The following LHCGR variants were observed in gnomAD, a reference collection of about 807,000 sequenced individuals.
The protein encoded by LHCGR is luteinizing hormone/choriogonadotropin receptor.
Under a neutral mutation model 60.7 loss-of-function variants are expected in LHCGR, and 55 were observed. The observed-to-expected ratio is 0.91, with a 90% CI of 0.73 to 1.13. LHCGR has a LOEUF of 1.13. LHCGR is among the 50% of genes most tolerant of loss of function. LHCGR has a pLI of 0.00. For synonymous variants in LHCGR, 337 were observed against 316.5 expected (o/e 1.06, Z -0.69); for missense variants, 862 against 836.0 (o/e 1.03, Z -0.38).
chr2:48,713,981 C>A lies in LHCGR; in HGVS notation c.605+5G>T, dbSNP rs530791181. On this transcript the variant is annotated splice_donor_5th_base_variant and intron_variant, in intron 7 of 10. Transcript: ENST00000294954. Reference sequence around the variant, plus strand: ...CCTGAGCTGGGGAAATAAGCAAATACTTACAGTGAAGTCAGTGTCGTCCCA... The same window carrying A: ...CCTGAGCTGGGGAAATAAGCAAATAATTACAGTGAAGTCAGTGTCGTCCCA... The A allele has an allele frequency of 1.3e-6, 2 of 1,591,824 alleles. No homozygotes were observed. The highest frequency in any genetic ancestry group is 1.7e-6 in the Non-Finnish European group (2 of 1,159,726).
chr2:48,699,800 C>T (rs144694703), intron 8 of LHCGR, among the ~76,000 whole-genome samples: 5 of 152,368 alleles, frequency 3.3e-5, no homozygotes, highest in African/African-American at 1.2e-4. Flanking sequence ...AGGTCCTGAA[C>T]TCTTTGGTTT....
chr2:48,707,405 A>T (rs1667741988), intron 8 of LHCGR, among the ~76,000 whole-genome samples: 1 of 150,928 alleles, frequency 6.6e-6, no homozygotes, highest in Non-Finnish European at 1.5e-5. Context: ...TCTGTCTGTT[A>T]TCAGAGCTTG....
At chr2:48,734,523 A>T (rs11674172) in intron 1 of LHCGR, among the ~76,000 whole-genome samples, 24,016 of 151,388 alleles carry the variant, frequency 0.16, 2,450 homozygotes, top group East Asian at 0.32. Flanking sequence ...GTTTATTTTG[A>T]TGTATTGGCA....
At chr2:48,731,190 A>G (rs566190296) in intron 2 of LHCGR, 37 bp downstream of exon 2, 8 of 1,383,634 alleles carry the variant, frequency 5.8e-6, no homozygotes, top group East Asian at 2.3e-5. Flanking sequence ...CATTATTCCA[A>G]TTACGAATGT....
In LHCGR at chr2:48,698,815, G is replaced by T. The variant is rs763789567; in HGVS notation, c.681-15C>A. ...AAGAAATATCCCTGAACAATAAAGG[G>T]GAGAAATGCTTTTTATTTATTTATT... On this transcript the variant is annotated splice_polypyrimidine_tract_variant and intron_variant, in intron 8 of 10. Coordinates refer to ENST00000294954, the MANE Select transcript of LHCGR (RefSeq NM_000233.4). 6.2e-7 allele frequency: 1 copy of T among 1,601,854 alleles called. No individual in the cohort carries two copies. The highest frequency in any genetic ancestry group is 8.5e-7 in the Non-Finnish European group (1 of 1,170,254).
intron 8 of LHCGR, among the ~76,000 whole-genome samples, chr2:48,701,209 A>ACC (rs1044101057): frequency 6.6e-6 from 1 of 152,090 alleles, no homozygotes; most frequent in African/African-American, 2.4e-5. Context: ...CCATGAGTTG[A>ACC]TCTTGGCGGG....
chr2:48,731,326 G>T, intron 1 of LHCGR, 28 bp from the exon 2 acceptor site: 3 of 1,542,272 alleles, frequency 1.9e-6, no homozygotes, highest in Non-Finnish European at 1.8e-6. Context: ...AAATCCAAGA[G>T]TTTAAGATTT....
intron 6 of LHCGR, among the ~76,000 whole-genome samples, chr2:48,722,215 G>A (rs563264102): frequency 6.6e-6 from 1 of 152,316 alleles, no homozygotes; most frequent in South Asian, 2.1e-4. Flanking sequence ...GCTCCCATGT[G>A]AAGATGTATG....
intron 1 of LHCGR, among the ~76,000 whole-genome samples, chr2:48,742,325 C>G (rs1669494784): frequency 6.6e-6 from 1 of 152,064 alleles, no homozygotes; most frequent in South Asian, 2.1e-4. Flanking sequence ...TTGAACTCAG[C>G]TCTGCACCAA....
intron 1 of LHCGR, among the ~76,000 whole-genome samples, chr2:48,736,033 T>C (rs560085549): frequency 1.3e-5 from 2 of 152,196 alleles, no homozygotes; most frequent in Non-Finnish European, 2.9e-5. Flanking sequence ...CATGAAAATG[T>C]GCTTGCTTCC....
chr2:48,695,713 T>TA (rs1248881898), intron 9 of LHCGR, among the ~76,000 whole-genome samples: 3 of 152,094 alleles, frequency 2.0e-5, no homozygotes, highest in Non-Finnish European at 2.9e-5. Flanking sequence ...TATGCAGCCA[T>TA]AAAAAATCAT....
At chr2:48,712,909 C>T (rs1039641353) in intron 7 of LHCGR, among the ~76,000 whole-genome samples, 31 of 152,216 alleles carry the variant, frequency 2.0e-4, no homozygotes, top group African/African-American at 7.0e-4. Flanking sequence ...ATTCTTTTAG[C>T]CACCAAACGA....
At chr2:48,717,833 C>CTTTTTTTTTTTTTTT in intron 6 of LHCGR, among the ~76,000 whole-genome samples, 1 of 68,976 alleles carries the variant, frequency 1.4e-5, no homozygotes, top group Non-Finnish European at 2.7e-5. Flanking sequence ...TTTTCCATGT[C>CTTTTTTTTTTTTTTT]TTTTTTTTTT....
intron 10 of LHCGR, among the ~76,000 whole-genome samples, chr2:48,693,432 C>A (rs1463222261): frequency 6.6e-6 from 1 of 152,154 alleles, no homozygotes; most frequent in Non-Finnish European, 1.5e-5. Flanking sequence ...ACCCCAAAGT[C>A]CAGGGTCATT....
In LHCGR at chr2:48,687,857, C is replaced by G. The variant is rs559262616; in HGVS notation, c.1940G>C (p.Arg647Pro). The G allele has an allele frequency of 1.2e-6, 2 of 1,613,922 alleles. No homozygotes were observed. Among genetic ancestry groups the G allele is most frequent in the East Asian group, 4.5e-5 (2 of 44,866 alleles). The change falls in exon 11 of 11, where the codon CGG becomes CCG. Residue 647 changes from arginine (R) to proline (P), a missense_variant. Transcript: ENST00000294954. ...LLSKFGCCKR[R>P]AELYRRKDFS... Reference sequence around the variant, plus strand: ...ATCTTTCCTTCTATAAAGTTCAGCCCGACGTTTACAGCAGCCAAATTTGCT... The same window carrying G: ...ATCTTTCCTTCTATAAAGTTCAGCCGGACGTTTACAGCAGCCAAATTTGCT...
In LHCGR at chr2:48,721,585, T is replaced by C. The variant is rs1478320650; in HGVS notation, c.536+1871A>G. 2.0e-5 allele frequency: 8 copies of C among 399,662 alleles called. No individual in the cohort carries two copies. In the Admixed American group the frequency reaches 2.5e-4, roughly 12 times the overall value. The allele number at this position is 399,662 out of a possible 1,614,324, so 24.8% of individuals were successfully genotyped here. A position where few individuals can be genotyped will look rare whatever the true frequency, so the allele number is the denominator to read the frequency against. ...CATGTAAAATTACATCTACACAAAG[T>C]AAAAGTACTATACAAAGGCAGTGCA... On this transcript the variant is annotated intron_variant, in intron 6 of 10. Coordinates refer to ENST00000294954, the MANE Select transcript of LHCGR (RefSeq NM_000233.4).
chr2:48,714,861 A>G (rs1668171151), intron 6 of LHCGR, among the ~76,000 whole-genome samples: 1 of 152,188 alleles, frequency 6.6e-6, no homozygotes, highest in Admixed American at 6.5e-5. Flanking sequence ...AGAGGGAATC[A>G]AGCAGCACAT....
rs1394300572 is a variant in LHCGR at position 48,688,619 on chromosome 2, A to C, written c.1178T>G (p.Val393Gly). 1.2e-6 allele frequency: 2 copies of C among 1,614,080 alleles called. No individual in the cohort carries two copies. Among genetic ancestry groups the C allele is most frequent in the Admixed American group, 3.3e-5 (2 of 60,004 alleles). Residue 393 changes from valine (V) to glycine (G), a missense_variant, in exon 11 of 11, where the codon GTG (valine) becomes GGG (glycine). By Grantham distance (109) the Val-to-Gly change is moderately radical. Coordinates refer to ENST00000294954, the MANE Select transcript of LHCGR (RefSeq NM_000233.4). This position sits in a 1 kb window ranked among gnomAD's most constrained non-coding sequence, Gnocchi z 5.2. ...VLLTSRYKLT[V>G]PRFLMCNLSF... ...GAGATTGCACATGAGAAAACGAGGC[A>C]CTGTAAGTTTGTAACGACTTGTCAG...
In LHCGR at chr2:48,709,000, G is replaced by A. The variant is rs368171908; in HGVS notation, c.628C>T (p.Leu210=). The A allele has an allele frequency of 2.0e-5, 32 of 1,614,182 alleles. No individual in the cohort carries two copies. The African/African-American group carries it at 2.1e-4, about 11-fold the overall frequency. ...AAGGCTCCATTGTGCATCTTCTCCAGATGTACGTTTTCCTTTAGCTCCCTG... is the reference window on the plus strand; with the variant it reads ...AAGGCTCCATTGTGCATCTTCTCCAAATGTACGTTTTCCTTTAGCTCCCTG... ...TSLELKENVH[L]EKMHNGAFRG... is the part of the protein sequence containing the mutation. The change falls in exon 8 of 11, where the codon CTG becomes TTG. Residue 210 remains leucine, a synonymous_variant. Transcript: ENST00000294954.
Sources: gnomAD v4.1 joint callset for allele counts (sites outside exome capture counted in the v4.1 genomes callset) on GRCh38, gnomAD v4.1.1 for gene constraint, Gnocchi (gnomAD v3.1) non-coding constraint, MANE v1.5 for transcripts, NCBI Gene and HGNC (gene_info 2026-07-23, HGNC 2026-07-21) for gene names.